CFAP46: variants seen among roughly 807,000 people sequenced by gnomAD.
CFAP46 encodes the protein cilia and flagella associated protein 46, also known as cilia- and flagella-associated protein 46.
Under a neutral mutation model 325.7 loss-of-function variants are expected in CFAP46, and 245 were observed. The observed-to-expected ratio is 0.75, with a 90% CI of 0.68 to 0.84. CFAP46 has a LOEUF of 0.84. Ranked by LOEUF, CFAP46 falls within the 40% of genes least tolerant of loss-of-function variation. The pLI is 0.00. For synonymous variants in CFAP46, 1,523 were observed against 1,495.9 expected (o/e 1.02, Z -0.42); for missense variants, 3,346 against 3,543.0 (o/e 0.94, Z 1.41).
Position 132,812,794 on chromosome 10 carries a change from T to C in CFAP46, c.7492A>G (p.Asn2498Asp), listed in dbSNP as rs548105967. 4 of 1,611,704 alleles carry C rather than the reference T, an allele frequency of 2.5e-6. No homozygotes were observed. The African/African-American group carries it at 5.3e-5, about 21-fold the overall frequency. The change falls in exon 55 of 58, where the codon AAC becomes GAC. Residue 2498 changes from asparagine (N) to aspartate (D), a missense_variant. Physicochemically the swap from Asn to Asp is conservative, Grantham distance 23. Transcript: ENST00000368586. Reference protein sequence around the residue: ...HILVERLVAMNLQECQVAVLL... With the variant: ...HILVERLVAMDLQECQVAVLL... The stretch of plus-strand genomic sequence containing the variant: ...AGAGGACACCTCTCACCTTGCAAGT[T>C]CATGGCGACCAATCTCTCCACTAAT...
rs371829834 is a variant in CFAP46, at chr10:132,912,287, CCTCT to C, written c.2499+364_2499+367del. ...TCTCCTCTCTCTTCTCCTCTCTCCT[CCTCT>C]CTCTCTCCTCTCTTTCTCCTGTCTC... On this transcript the variant is annotated intron_variant, in intron 19 of 57. Transcript: ENST00000368586. Among the ~76,000 whole-genome samples the C allele has an allele frequency of 1.5e-4, 12 of 79,292 alleles. 1 individual carries two copies. Among genetic ancestry groups the C allele is most frequent in the East Asian group, 2.7e-4 (1 of 3,726 alleles). 52.0% of individuals were successfully genotyped at this position (79,292 alleles called of 152,430 possible).
chr10:132,937,144 A>G lies in CFAP46; in HGVS notation c.661-89T>C, dbSNP rs184615887. ...GTGTCTAGATTTTATTTTCTCATTA[A>G]TTTTGTATCTAGCTTTTCAGATACA... On this transcript the variant is annotated intron_variant, in intron 6 of 57. Transcript: ENST00000368586. 272 of 732,306 alleles carry G rather than the reference A, an allele frequency of 3.7e-4. 1 individual carries two copies. The East Asian group carries it at 7.1e-3, about 19-fold the overall frequency. The allele number at this position is 732,306 out of a possible 1,614,324, so 45.4% of individuals were successfully genotyped here.
At position 132,810,948 on chromosome 10, in the gene CFAP46, A is replaced by G. The variant is rs775053258; in HGVS notation, c.7583+2T>C. 5 of 1,593,588 alleles carry G rather than the reference A, an allele frequency of 3.1e-6. No individual in the cohort carries two copies. The East Asian group carries it at 9.1e-5, about 29-fold the overall frequency. On this transcript the variant is annotated splice_donor_variant, in intron 56 of 57. Transcript: ENST00000368586. LOFTEE classifies it high-confidence loss of function. ...GCCCACCCGTTCCAGGCAGCCAGGCACCTCCTGTGCTCCACGCTCTCCATG... is the reference window on the plus strand; with the variant it reads ...GCCCACCCGTTCCAGGCAGCCAGGCGCCTCCTGTGCTCCACGCTCTCCATG...
At position 132,869,375 on chromosome 10, in the gene CFAP46, G is replaced by A; in HGVS notation, c.4512-3C>T. 1.3e-6 allele frequency: 2 copies of A among 1,521,908 alleles called. No individual in the cohort carries two copies. The highest frequency in any genetic ancestry group is 8.8e-7 in the Non-Finnish European group (1 of 1,135,330). 94.3% of individuals were successfully genotyped at this position (1,521,908 alleles called of 1,614,324 possible). A position where few individuals can be genotyped will look rare whatever the true frequency, so the allele number is the denominator to read the frequency against. Reference sequence around the variant, plus strand: ...GCTCGGAGCACGCGTGGGCGAGGCTGTGGGGAGTGTGGCCGAAAGAGTCAG... The same window carrying A: ...GCTCGGAGCACGCGTGGGCGAGGCTATGGGGAGTGTGGCCGAAAGAGTCAG... On this transcript the variant is annotated splice_polypyrimidine_tract_variant and splice_region_variant and intron_variant, in intron 32 of 57. Transcript: ENST00000368586. This position sits in a 1 kb window ranked among gnomAD's most constrained non-coding sequence, Gnocchi z 6.2.
At chr10:132,887,623 TC>T (rs1429921191) in intron 25 of CFAP46, among the ~76,000 whole-genome samples, 25 of 47,014 alleles carry the variant, frequency 5.3e-4, no homozygotes, top group East Asian at 3.0e-3. Context: ...TCTCTCCTCT[TC>T]TCTCCTCTCC....
At chr10:132,883,172 A>G (rs1020464426) in intron 27 of CFAP46, among the ~76,000 whole-genome samples, 2 of 152,188 alleles carry the variant, frequency 1.3e-5, no homozygotes, top group African/African-American at 4.8e-5. Context: ...TGGCATCCAG[A>G]AAGTGGAGAC....
At chr10:132,844,173 G>A (rs923268447) in intron 44 of CFAP46, among the ~76,000 whole-genome samples, 8 of 150,546 alleles carry the variant, frequency 5.3e-5, no homozygotes, top group African/African-American at 2.0e-4. Context: ...TGCTCTCAAT[G>A]GGCGTTCCCA....
chr10:132,925,921 G>C (rs1180744940), intron 10 of CFAP46, among the ~76,000 whole-genome samples: 1 of 152,250 alleles, frequency 6.6e-6, no homozygotes, highest in Non-Finnish European at 1.5e-5. Context: ...GACAGGGCCT[G>C]AGGGTTCCCA....
intron 43 of CFAP46, 98 bp from the exon 44 acceptor site, chr10:132,846,325 G>A: frequency 5.0e-6 from 7 of 1,408,452 alleles, no homozygotes; most frequent in Non-Finnish European, 4.7e-6. Context: ...CCTGGGAGCA[G>A]GAGTGGGCTG....
chr10:132,885,578 G>A (rs1464985989), intron 26 of CFAP46, among the ~76,000 whole-genome samples: 2 of 151,670 alleles, frequency 1.3e-5, no homozygotes, highest in African/African-American at 2.4e-5. Flanking sequence ...GGGACAGCGT[G>A]GAGCAGGGGA....
At chr10:132,908,019 C>T (rs374139348) in intron 22 of CFAP46, among the ~76,000 whole-genome samples, 1 of 152,250 alleles carries the variant, frequency 6.6e-6, no homozygotes, top group Non-Finnish European at 1.5e-5. Context: ...TGAGGCCCCC[C>T]CTTTCTGTGC....
intron 16 of CFAP46, among the ~76,000 whole-genome samples, chr10:132,917,535 T>G (rs937580919): frequency 3.3e-5 from 5 of 152,240 alleles, no homozygotes; most frequent in Non-Finnish European, 7.3e-5. Flanking sequence ...CCACATTCAA[T>G]GCGCTTCTGC....
chr10:132,836,081 C>A, intron 46 of CFAP46, 61 bp downstream of exon 46: 9 of 1,380,538 alleles, frequency 6.5e-6, no homozygotes, highest in Non-Finnish European at 7.9e-6. Flanking sequence ...CTCACCTCCC[C>A]ACTCTCGCCC....
chr10:132,860,999 C>G lies in CFAP46; in HGVS notation c.4891-17G>C. ...ATCCAGCTCCTGAAGGAGAGAAACT[C>G]AGACATGCTTGGGTTCCTCTACAGA... is the stretch of plus-strand genomic sequence containing the variant. On this transcript the variant is annotated splice_polypyrimidine_tract_variant and intron_variant, in intron 35 of 57. Transcript: ENST00000368586. 1 of 1,550,208 alleles carries G rather than the reference C, an allele frequency of 6.5e-7. No homozygotes were observed. The highest frequency in any genetic ancestry group is 8.7e-7 in the Non-Finnish European group (1 of 1,146,896).
intron 41 of CFAP46, among the ~76,000 whole-genome samples, chr10:132,849,273 G>A (rs1273407092): frequency 1.3e-5 from 2 of 152,244 alleles, no homozygotes; most frequent in African/African-American, 2.4e-5. Context: ...GTTGCATGCA[G>A]AGCCTCGATT....
intron 37 of CFAP46, 60 bp from the exon 38 acceptor site, chr10:132,859,307 C>T (rs1848692094): frequency 8.4e-6 from 12 of 1,427,914 alleles, no homozygotes; most frequent in Middle Eastern, 1.8e-4. Flanking sequence ...TCAGGGCTTG[C>T]GGCTGGGCTG....
intron 44 of CFAP46, among the ~76,000 whole-genome samples, chr10:132,837,743 A>C (rs532115888): frequency 1.3e-4 from 19 of 146,382 alleles, no homozygotes; most frequent in African/African-American, 5.1e-4. Context: ...ACACGTACAC[A>C]GATGCGCACG....
In CFAP46 at chr10:132,889,964, G is replaced by A. The variant is rs1275946314; in HGVS notation, c.3304+2369C>T. 6.6e-6 allele frequency among the ~76,000 whole-genome samples: 1 copy of A among 152,188 alleles called. No individual in the cohort carries two copies. The highest frequency in any genetic ancestry group is 1.5e-5 in the Non-Finnish European group (1 of 68,026). ...CTGTTCTGCACTTATCAGGATTCAG[G>A]AGCGTACATTTTCGTATCTGTGAAA... On this transcript the variant is annotated intron_variant, in intron 25 of 57. Coordinates refer to ENST00000368586, the MANE Select transcript of CFAP46 (RefSeq NM_001200049.3). This position sits in a 1 kb window ranked among gnomAD's most constrained non-coding sequence, Gnocchi z 6.0.
In CFAP46 at chr10:132,875,150, C is replaced by T. The variant is rs184855860; in HGVS notation, c.4362+1662G>A. 9.9e-3 allele frequency among the ~76,000 whole-genome samples: 1,500 copies of T among 152,220 alleles called. 15 individuals are homozygous for T. The highest frequency in any genetic ancestry group is 0.044 in the South Asian group (210 of 4,826). ...TGAAACAAAAAAGCTATATTTACAA[C>T]AGCATCAAAAATATCAAATACACAG... is the stretch of plus-strand genomic sequence containing the variant. On this transcript the variant is annotated intron_variant, in intron 31 of 57. Coordinates refer to ENST00000368586, the MANE Select transcript of CFAP46 (RefSeq NM_001200049.3).
Sources: allele counts gnomAD v4.1 joint callset (sites outside exome capture counted in the v4.1 genomes callset), GRCh38; gene constraint gnomAD v4.1.1; non-coding constraint Gnocchi (gnomAD v3.1); transcripts MANE v1.5; gene names NCBI Gene and HGNC (gene_info 2026-07-23, HGNC 2026-07-21).